The following SORBS2 variants were observed in gnomAD, a reference collection of about 807,000 sequenced individuals.
SORBS2 encodes sorbin and SH3 domain containing 2, also known as sorbin and SH3 domain-containing protein 2.
A neutral mutation model predicts 97.7 loss-of-function variants in SORBS2; 46 were observed. The observed-to-expected ratio is 0.47, with a 90% CI of 0.37 to 0.60. SORBS2 has a LOEUF of 0.60. Ranked by LOEUF, SORBS2 falls within the 20% of genes least tolerant of loss-of-function variation. The pLI is 0.00. For synonymous variants in SORBS2, 476 were observed against 473.4 expected (o/e 1.01, Z -0.07); for missense variants, 1,316 against 1,282.3 (o/e 1.03, Z -0.40).
At chr4:185,765,143 A>T (rs1050348447) in intron 2 of SORBS2, among the ~76,000 whole-genome samples, 1 of 152,158 alleles carries the variant, frequency 6.6e-6, no homozygotes, top group African/African-American at 2.4e-5. Flanking sequence ...GCCTTCAATA[A>T]ATAAATGAAG....
chr4:185,675,547 T>G (rs2097778566), intron 4 of SORBS2: 1 of 152,212 alleles, frequency 6.6e-6, no homozygotes, highest in South Asian at 2.1e-4. Context: ...TGTTTCTGCC[T>G]TTTGCCAGCT....
chr4:185,921,728 C>T (rs2099261005), intron 1 of SORBS2, among the ~76,000 whole-genome samples: 2 of 152,234 alleles, frequency 1.3e-5, no homozygotes, highest in South Asian at 2.1e-4. Context: ...CAGCCGACCA[C>T]AACGCTGGTT....
chr4:185,724,388 G>A (rs1273716038), intron 2 of SORBS2, among the ~76,000 whole-genome samples: 1 of 151,576 alleles, frequency 6.6e-6, no homozygotes, highest in East Asian at 1.9e-4. Flanking sequence ...ATAGCCACCA[G>A]TTATCCTTTA....
At chr4:185,711,298 G>A (rs1182228332) in intron 2 of SORBS2, among the ~76,000 whole-genome samples, 2 of 152,156 alleles carry the variant, frequency 1.3e-5, no homozygotes, top group Non-Finnish European at 2.9e-5. Context: ...GCCCTGACAT[G>A]AGACTCTTAA....
intron 1 of SORBS2, among the ~76,000 whole-genome samples, chr4:185,895,425 T>A (rs144660450): frequency 1.8e-4 from 28 of 152,282 alleles, no homozygotes; most frequent in Middle Eastern, 3.4e-3. Context: ...AGATCTCCAG[T>A]GGGAATGAAT....
intron 12 of SORBS2, 153 bp from the exon 25 acceptor site, chr4:185,594,088 G>A: frequency 6.8e-6 from 4 of 587,984 alleles, no homozygotes; most frequent in South Asian, 4.5e-5. Context: ...GCTTTCTGCA[G>A]GATTAATAAT....
At chr4:185,638,974 C>G (rs2097079243) in intron 4 of SORBS2, 2 of 1,522,566 alleles carry the variant, frequency 1.3e-6, no homozygotes, top group Non-Finnish European at 1.8e-6. Flanking sequence ...GAGTCGGGAG[C>G]TAGAAAGAGG....
intron 2 of SORBS2, among the ~76,000 whole-genome samples, chr4:185,683,014 C>CAAAA (rs35410308): frequency 9.1e-6 from 1 of 109,454 alleles, no homozygotes; most frequent in Non-Finnish European, 1.9e-5. Flanking sequence ...CCACCCGTCT[C>CAAAA]AAAAAAAAAA....
chr4:185,733,486 C>G (rs547988516), intron 2 of SORBS2, among the ~76,000 whole-genome samples: 64 of 152,274 alleles, frequency 4.2e-4, no homozygotes, highest in South Asian at 2.7e-3. Context: ...CTGGGCAGAG[C>G]CAGGTGGAGA....
At chr4:185,609,792 G>T (rs2153399827) in intron 12 of SORBS2, among the ~76,000 whole-genome samples, 1 of 152,254 alleles carries the variant, frequency 6.6e-6, no homozygotes, top group Middle Eastern at 3.4e-3. Flanking sequence ...TAGAAAATAG[G>T]TTCTGTAGCG....
chr4:185,741,095 G>A (rs959902789), intron 2 of SORBS2, among the ~76,000 whole-genome samples: 10 of 152,180 alleles, frequency 6.6e-5, no homozygotes, highest in African/African-American at 2.2e-4. Flanking sequence ...AAAATATGTC[G>A]AGAAAGTCTA....
intron 12 of SORBS2, among the ~76,000 whole-genome samples, chr4:185,601,662 AG>A (rs1198851734): frequency 6.6e-6 from 1 of 152,174 alleles, no homozygotes; most frequent in East Asian, 1.9e-4. Context: ...TGACTAATAC[AG>A]GGGTTCAATG....
rs1243431998 is a variant in SORBS2 at position 185,951,737 on chromosome 4, A to G, written c.-338+4459T>C. 1.4e-4 allele frequency among the ~76,000 whole-genome samples: 22 copies of G among 152,206 alleles called. 1 individual carries two copies. The highest frequency in any genetic ancestry group is 1.4e-3 in the Admixed American group (22 of 15,276). ...TTTGCAGATTGTATTGTGAAGTCAAATTGAGACTATTAATTTGGCCACCTT... is the reference window on the plus strand; with the variant it reads ...TTTGCAGATTGTATTGTGAAGTCAAGTTGAGACTATTAATTTGGCCACCTT... On this transcript the variant is annotated intron_variant, in intron 1 of 20. Transcript: ENST00000284776.
chr4:185,623,074 GCTC>G lies in SORBS2; in HGVS notation c.2052_2054del (p.Arg684del). Reference sequence around the variant, plus strand: ...GTGGGTGGAGAGGCTGGTGCAGGGGGCTCCTCCTCAGCGCTCTCAGGGATGAGT... The same window carrying G: ...GTGGGTGGAGAGGCTGGTGCAGGGGGCTCCTCAGCGCTCTCAGGGATGAGT... On this transcript the variant is annotated inframe_deletion, in exon 7 of 15. Coordinates refer to ENST00000418609, the Ensembl canonical transcript of SORBS2. This position sits in a 1 kb window ranked among gnomAD's most constrained non-coding sequence, Gnocchi z 6.4. 6.2e-7 allele frequency: 1 copy of G among 1,614,132 alleles called. No individual in the cohort carries two copies.
chr4:185,628,431 T>C (rs1011822574), intron 5 of SORBS2, among the ~76,000 whole-genome samples: 2 of 152,176 alleles, frequency 1.3e-5, no homozygotes, highest in East Asian at 3.8e-4. Flanking sequence ...GAAGATGTTA[T>C]ATTGGAATTC....
At chr4:185,744,806 C>T (rs1027369374) in intron 2 of SORBS2, among the ~76,000 whole-genome samples, 6 of 152,204 alleles carry the variant, frequency 3.9e-5, no homozygotes, top group Non-Finnish European at 7.3e-5. Context: ...AATGTGAAAA[C>T]CTGGCTCCTA....
At chr4:185,798,549 A>C (rs573670395) in intron 1 of SORBS2, among the ~76,000 whole-genome samples, 1 of 152,246 alleles carries the variant, frequency 6.6e-6, no homozygotes, top group Non-Finnish European at 1.5e-5. Flanking sequence ...ACTACACTTA[A>C]TAGCTTTTTA....
intron 1 of SORBS2, among the ~76,000 whole-genome samples, chr4:185,928,469 T>C (rs2099264798): frequency 1.3e-5 from 2 of 152,092 alleles, no homozygotes; most frequent in South Asian, 4.1e-4. Context: ...AAAACTACTT[T>C]ATAGACAGGT....
chr4:185,596,690 G>A (rs563390687), intron 12 of SORBS2, among the ~76,000 whole-genome samples: 102 of 151,608 alleles, frequency 6.7e-4, no homozygotes, highest in Non-Finnish European at 1.2e-3. Flanking sequence ...ACGCACCACC[G>A]TGCCCAGCTA....
Sources: allele counts gnomAD v4.1 joint callset (sites outside exome capture counted in the v4.1 genomes callset), GRCh38; gene constraint gnomAD v4.1.1; non-coding constraint Gnocchi (gnomAD v3.1); transcripts MANE v1.5; gene names NCBI Gene and HGNC (gene_info 2026-07-23, HGNC 2026-07-21).